The following SRGAP2 variants were observed in gnomAD, a reference collection of about 807,000 sequenced individuals.
The protein encoded by SRGAP2 is SLIT-ROBO Rho GTPase-activating protein 2.
SRGAP2 carries 15 observed loss-of-function variants against 57.2 expected under a neutral mutation model. That is an observed-to-expected ratio of 0.26 (90% confidence interval 0.18 to 0.40). SRGAP2 has a LOEUF of 0.40. Ranked by LOEUF, SRGAP2 falls within the 10% of genes least tolerant of loss-of-function variation. The probability of loss-of-function intolerance (pLI) is 1.00; values close to 1 mark genes in which losing one functional copy is unlikely to be tolerated. For missense variants in SRGAP2, 520 were observed against 669.6 expected (o/e 0.78, Z 2.47); for synonymous variants, 249 against 248.0 (o/e 1.00, Z -0.04).
intron 14 of SRGAP2, among the ~76,000 whole-genome samples, 180 bp from the exon 15 acceptor site, chr1:206,436,785 G>A (rs1472901028): frequency 3.3e-5 from 5 of 152,188 alleles, no homozygotes; most frequent in African/African-American, 7.2e-5. Context: ...TGAATGCCTC[G>A]AAATTATTCC....
chr1:206,359,113 C>A (rs1413019987), intron 4 of SRGAP2, among the ~76,000 whole-genome samples: 1 of 151,512 alleles, frequency 6.6e-6, no homozygotes, highest in African/African-American at 2.4e-5. Context: ...ACAGAAATAT[C>A]TTTTGAAGAT....
intron 20 of SRGAP2, chr1:206,453,882 A>G (rs1663576128): frequency 6.8e-6 from 3 of 444,004 alleles, no homozygotes; most frequent in African/African-American, 2.0e-5. Flanking sequence ...GACCTAGTTC[A>G]TTTAACCGAG....
rs1181742310 is a variant in SRGAP2, at chr1:206,454,558, G to T, written c.2361-320G>T. ...TTGCCGCCTCCTTCTCCAGGAGGCC[G>T]CCCCAGCACGGCCTCCCCAGGAAGC... On this transcript the variant is annotated intron_variant, in intron 20 of 22. Transcript: ENST00000573034. The surrounding 1 kb of genome is among the most constrained non-coding windows in gnomAD (Gnocchi z 4.3). The T allele has an allele frequency of 4.9e-6, 2 of 404,244 alleles. No individual in the cohort carries two copies. Among genetic ancestry groups the T allele is most frequent in the Non-Finnish European group, 8.8e-6 (2 of 227,092 alleles). The allele number at this position is 404,244 out of a possible 1,614,324, so 25.0% of individuals were successfully genotyped here. A position where few individuals can be genotyped will look rare whatever the true frequency, so the allele number is the denominator to read the frequency against.
At chr1:206,423,002 A>G (rs1442966482) in intron 13 of SRGAP2, among the ~76,000 whole-genome samples, 1 of 152,238 alleles carries the variant, frequency 6.6e-6, no homozygotes, top group Non-Finnish European at 1.5e-5. Flanking sequence ...AATCTTATAT[A>G]AGTAACAAGG....
At chr1:206,420,695 C>T (rs1431021980) in intron 12 of SRGAP2, among the ~76,000 whole-genome samples, 1 of 152,164 alleles carries the variant, frequency 6.6e-6, no homozygotes, top group African/African-American at 2.4e-5. Flanking sequence ...GTCAGATTCC[C>T]TTTGAGAAGA....
intron 2 of SRGAP2, among the ~76,000 whole-genome samples, chr1:206,285,520 T>C (rs1312816605): frequency 1.1e-4 from 16 of 152,214 alleles, no homozygotes; most frequent in Admixed American, 2.6e-4. Context: ...TTCCTGGTGG[T>C]GCGTGTGTCA....
At chr1:206,419,474 G>T in intron 12 of SRGAP2, 74 bp downstream of exon 12, 1 of 777,990 alleles carries the variant, frequency 1.3e-6, no homozygotes, top group Admixed American at 1.7e-5. Context: ...CTGGGAGAGA[G>T]CCAAGGAGTT....
At position 206,206,041 on chromosome 1, in the gene SRGAP2, A is replaced by C; in HGVS notation, c.67+4A>C. 2 of 1,548,726 alleles carry C rather than the reference A, an allele frequency of 1.3e-6. No individual in the cohort carries two copies. The highest frequency in any genetic ancestry group is 1.7e-6 in the Non-Finnish European group (2 of 1,146,906). ...GAGTACGATACTCAGGTCAAAGGTA[A>C]GGGCTTTGAAAAATAGCACACTGCA... On this transcript the variant is annotated splice_donor_region_variant and intron_variant, in intron 2 of 22. Coordinates refer to ENST00000573034, the MANE Select transcript of SRGAP2 (RefSeq NM_015326.5).
At position 206,412,192 on chromosome 1, in the gene SRGAP2, C is replaced by T. The variant is rs540030144; in HGVS notation, c.1357-3697C>T. ...AGAAAGAAAAGTTATTATGTTAATA[C>T]TTTTCAATAAACAAAACTCACTGCT... On this transcript the variant is annotated intron_variant, in intron 10 of 22. Coordinates refer to ENST00000573034, the MANE Select transcript of SRGAP2 (RefSeq NM_015326.5). Among the ~76,000 whole-genome samples, 3 of 152,290 alleles carry T rather than the reference C, an allele frequency of 2.0e-5. No homozygotes were observed. In the East Asian group the frequency reaches 5.8e-4, roughly 29 times the overall value.
intron 14 of SRGAP2, among the ~76,000 whole-genome samples, chr1:206,434,305 CA>C (rs2103306075): frequency 6.6e-6 from 1 of 152,218 alleles, no homozygotes; most frequent in Admixed American, 6.5e-5. Flanking sequence ...AACAAAAAAA[CA>C]AACCGCCATT....
In SRGAP2 at chr1:206,234,968, T is replaced by A. The variant is rs578232735; in HGVS notation, c.67+28931T>A. Among the ~76,000 whole-genome samples, 445 of 150,938 alleles carry A rather than the reference T, an allele frequency of 2.9e-3. 1 individual carries two copies. The highest frequency in any genetic ancestry group is 0.011 in the African/African-American group (434 of 41,002). On this transcript the variant is annotated intron_variant, in intron 2 of 22. Coordinates refer to ENST00000573034, the MANE Select transcript of SRGAP2 (RefSeq NM_015326.5). ...TGGCAAGGAACAAAAAAAGACAATGTATTTTAAAGGAAAACTTTTTGGAGC... is the reference window on the plus strand; with the variant it reads ...TGGCAAGGAACAAAAAAAGACAATGAATTTTAAAGGAAAACTTTTTGGAGC...
intron 3 of SRGAP2, chr1:206,333,385 C>G: frequency 7.1e-7 from 1 of 1,406,920 alleles, no homozygotes; most frequent in Non-Finnish European, 1.0e-6. Flanking sequence ...TATCCTCAGT[C>G]TTGTCAACAG....
intron 17 of SRGAP2, among the ~76,000 whole-genome samples, chr1:206,443,322 T>C (rs1420430364): frequency 6.6e-6 from 1 of 152,190 alleles, no homozygotes; most frequent in Non-Finnish European, 1.5e-5. Flanking sequence ...TTGTTACTAA[T>C]GTTATCCATT....
intron 4 of SRGAP2, among the ~76,000 whole-genome samples, chr1:206,354,834 C>T (rs1189393073): frequency 6.8e-6 from 1 of 147,770 alleles, no homozygotes; most frequent in East Asian, 2.0e-4. Context: ...TTCTCTCTTC[C>T]TTTTCCTCTT....
intron 10 of SRGAP2, among the ~76,000 whole-genome samples, chr1:206,411,363 C>T (rs1553359553): frequency 6.6e-6 from 1 of 152,188 alleles, no homozygotes; most frequent in African/African-American, 2.4e-5. Flanking sequence ...AACTTGTGGT[C>T]TGAGATCTTT....
At chr1:206,394,675 G>A (rs1394461820) in intron 7 of SRGAP2, among the ~76,000 whole-genome samples, 3 of 152,032 alleles carry the variant, frequency 2.0e-5, no homozygotes, top group African/African-American at 2.4e-5. Context: ...AGGGGATTGA[G>A]GAAAGCGGCT....
At position 206,461,391 on chromosome 1, in the gene SRGAP2, C is replaced by T. The variant is rs1553380727; in HGVS notation, c.3187C>T (p.Gln1063Ter). The T allele has an allele frequency of 1.3e-6, 1 of 779,764 alleles. No homozygotes were observed. Among genetic ancestry groups the T allele is most frequent in the Non-Finnish European group, 2.4e-6 (1 of 417,280 alleles). 48.3% of individuals were successfully genotyped at this position (779,764 alleles called of 1,614,324 possible). The change falls in exon 23 of 23, where the codon CAG becomes TAG. Residue 1063 changes from glutamine (Q) to a stop codon, truncating the protein, a stop_gained. Transcript: ENST00000573034. LOFTEE classifies it high-confidence loss of function. ...TGGTGTCAACTCATCAACTTCCCCACAGTCTACTGACAAGTCTTGTACTGT... is the reference window on the plus strand; with the variant it reads ...TGGTGTCAACTCATCAACTTCCCCATAGTCTACTGACAAGTCTTGTACTGT... ...SPGVNSSTSP[Q>*]STDKSCTV
At chr1:206,321,088 C>T (rs1420504556) in intron 3 of SRGAP2, among the ~76,000 whole-genome samples, 2 of 144,738 alleles carry the variant, frequency 1.4e-5, no homozygotes, top group East Asian at 3.9e-4. Context: ...GCAATTCATT[C>T]AATTGTCTTA....
intron 3 of SRGAP2, among the ~76,000 whole-genome samples, chr1:206,341,803 G>A (rs1675212767): frequency 6.6e-6 from 1 of 152,120 alleles, no homozygotes; most frequent in African/African-American, 2.4e-5. Flanking sequence ...TTCAAGATCA[G>A]CATGGTCAAC....
Sources: gnomAD v4.1 joint callset for allele counts (sites outside exome capture counted in the v4.1 genomes callset) on GRCh38, gnomAD v4.1.1 for gene constraint, Gnocchi (gnomAD v3.1) non-coding constraint, MANE v1.5 for transcripts, NCBI Gene and HGNC (gene_info 2026-07-23, HGNC 2026-07-21) for gene names.